Variants in SUGCT observed in about 807,000 individuals in gnomAD.
SUGCT encodes succinyl-CoA:glutarate-CoA transferase, also known as succinyl-CoA:glutarate CoA-transferase.
SUGCT carries 41 observed loss-of-function variants against 55.0 expected under a neutral mutation model. The ratio of observed to expected loss-of-function variants is 0.74; its 90% confidence interval spans 0.58 to 0.97. The LOEUF is 0.97. Among genes scored for constraint, SUGCT ranks in the 50% least tolerant of loss-of-function variants. The pLI is 0.00. For synonymous variants in SUGCT, 187 were observed against 200.4 expected (o/e 0.93, Z 0.56); for missense variants, 568 against 547.8 (o/e 1.04, Z -0.37).
Position 40,860,554 on chromosome 7 carries a change from T to C in SUGCT, c.*75T>C, listed in dbSNP as rs560955075. 574 of 1,471,288 alleles carry C rather than the reference T, an allele frequency of 3.9e-4. 1 individual carries two copies. The highest frequency in any genetic ancestry group is 5.0e-4 in the Non-Finnish European group (550 of 1,096,846). The allele number at this position is 1,471,288 out of a possible 1,614,324, so 91.1% of individuals were successfully genotyped here. ...AGGCAACACTTTGCTTGGACCCTTCTCCCCAGTTCTGATACCACTAAAAAG... is the reference window on the plus strand; with the variant it reads ...AGGCAACACTTTGCTTGGACCCTTCCCCCCAGTTCTGATACCACTAAAAAG... On this transcript the variant is annotated 3_prime_UTR_variant, in exon 14 of 14. Transcript: ENST00000335693.
At chr7:40,421,418 G>A (rs1481386351) in intron 9 of SUGCT, among the ~76,000 whole-genome samples, 1 of 152,234 alleles carries the variant, frequency 6.6e-6, no homozygotes, top group African/African-American at 2.4e-5. Flanking sequence ...CCTGACTCCT[G>A]CGTCCTGGAC....
intron 12 of SUGCT, among the ~76,000 whole-genome samples, chr7:40,510,012 T>C (rs1019857645): frequency 1.3e-5 from 2 of 152,178 alleles, no homozygotes; most frequent in African/African-American, 4.8e-5. Context: ...AGTTGTTAAG[T>C]TGAAGTGCTC....
the SUGCT span, chr7:40,966,619 C>A: frequency 1.3e-5 from 2 of 152,214 alleles, no homozygotes; most frequent in African/African-American, 4.8e-5. Context: ...TTCAGGACAA[C>A]ACATCTGCCT....
chr7:40,819,641 G>A (rs1165808821), intron 13 of SUGCT, among the ~76,000 whole-genome samples: 1 of 152,104 alleles, frequency 6.6e-6, no homozygotes, highest in African/African-American at 2.4e-5. Flanking sequence ...TAAGTTCTTT[G>A]TAGATTCTGG....
At chr7:40,397,111 A>G (rs1175521025) in intron 9 of SUGCT, among the ~76,000 whole-genome samples, 8 of 152,210 alleles carry the variant, frequency 5.3e-5, no homozygotes, top group Non-Finnish European at 8.8e-5. Flanking sequence ...ATGGTTAAAA[A>G]TGCATGCAGA....
chr7:40,696,009 T>C (rs1784919323), intron 12 of SUGCT, among the ~76,000 whole-genome samples: 1 of 152,164 alleles, frequency 6.6e-6, no homozygotes, highest in South Asian at 2.1e-4. Flanking sequence ...GATTAGAAAA[T>C]GCTTGTCTAC....
In SUGCT at chr7:40,181,980, A is replaced by G. The variant is rs751996886; in HGVS notation, c.178A>G (p.Met60Val). The change falls in exon 3 of 14, where the codon ATG (methionine) becomes GTG (valine). Residue 60 changes from methionine (M) to valine (V), a missense_variant. Coordinates refer to ENST00000335693, the MANE Select transcript of SUGCT (RefSeq NM_001193313.2). The stretch of plus-strand genomic sequence containing the variant: ...AGTCCTGGCGGGACCTTTTGCTACT[A>G]TGAATTTAGGAGATCTTGGAGCAGA... ...TRVLAGPFATMNLGDLGAEVI... is the reference protein window; with the variant it reads ...TRVLAGPFATVNLGDLGAEVI... The G allele has an allele frequency of 5.6e-6, 9 of 1,600,576 alleles. No homozygotes were observed. The Admixed American group carries it at 1.2e-4, about 21-fold the overall frequency.
chr7:40,743,235 TA>T (rs762266171), intron 12 of SUGCT, among the ~76,000 whole-genome samples: 15 of 152,212 alleles, frequency 9.9e-5, no homozygotes, highest in Non-Finnish European at 1.9e-4. Flanking sequence ...TCTAAGTTCC[TA>T]AAAATGACTG....
intron 1 of SUGCT, among the ~76,000 whole-genome samples, chr7:40,141,170 T>C (rs1787960520): frequency 6.6e-6 from 1 of 152,060 alleles, no homozygotes; most frequent in Non-Finnish European, 1.5e-5. Flanking sequence ...ACAGAAATCC[T>C]AGTGATTTCT....
chr7:40,570,151 T>C (rs1038501674), intron 12 of SUGCT, among the ~76,000 whole-genome samples: 2 of 152,278 alleles, frequency 1.3e-5, no homozygotes, highest in African/African-American at 4.8e-5. Context: ...TACTCCGTTT[T>C]AAGACAGACT....
chr7:40,182,505 T>C (rs971248720), intron 3 of SUGCT, among the ~76,000 whole-genome samples: 6 of 144,862 alleles, frequency 4.1e-5, no homozygotes, highest in African/African-American at 1.6e-4. Flanking sequence ...GAGGTTGCTG[T>C]GAGCCAAGGT....
intron 8 of SUGCT, among the ~76,000 whole-genome samples, chr7:40,305,631 T>C (rs757223498): frequency 2.0e-5 from 3 of 152,172 alleles, no homozygotes; most frequent in Non-Finnish European, 2.9e-5. Context: ...TATTCTTTTC[T>C]CTTGTATATG....
intron 12 of SUGCT, among the ~76,000 whole-genome samples, chr7:40,525,837 C>T (rs1793765583): frequency 6.6e-6 from 1 of 152,142 alleles, no homozygotes; most frequent in Non-Finnish European, 1.5e-5. Flanking sequence ...GCACTGACAT[C>T]AAGGATATCC....
At chr7:40,440,145 GTTTTTTTTTTTTT>G (rs138984553) in intron 9 of SUGCT, among the ~76,000 whole-genome samples, 118 of 68,470 alleles carry the variant, frequency 1.7e-3, no homozygotes, top group East Asian at 0.015. Context: ...GTGTGTGTGT[GTTTTTTTTTTTTT>G]TTTTTTTTTT....
intron 1 of SUGCT, among the ~76,000 whole-genome samples, chr7:40,138,356 A>G (rs1787803814): frequency 6.6e-6 from 1 of 152,136 alleles, no homozygotes; most frequent in African/African-American, 2.4e-5. Context: ...ATAGTATTCC[A>G]TTTTGTATAT....
chr7:40,776,331 C>G (rs910871935), intron 13 of SUGCT, among the ~76,000 whole-genome samples: 1 of 152,172 alleles, frequency 6.6e-6, no homozygotes, highest in Admixed American at 6.5e-5. Flanking sequence ...CTTATTTAGA[C>G]TGAAAGACTT....
At chr7:40,222,989 C>CCTTT (rs755049785) in intron 6 of SUGCT, among the ~76,000 whole-genome samples, 5,116 of 39,940 alleles carry the variant, frequency 0.13, 154 homozygotes, top group African/African-American at 0.2. Context: ...TCATTTCTTT[C>CCTTT]CTTCCTTCCT....
In SUGCT at chr7:40,375,441, T is replaced by TA. The variant is rs529200396; in HGVS notation, c.816+58593dup. ...ATGATTTGGAGGAGAAATAAGGTTA[T>TA]AAAAAAATTATCATATCAAGATTTG... On this transcript the variant is annotated intron_variant, in intron 9 of 13. Transcript: ENST00000335693. 2.0e-3 allele frequency among the ~76,000 whole-genome samples: 299 copies of TA among 152,248 alleles called. 11 individuals carry two copies. The South Asian group carries it at 0.058, about 30-fold the overall frequency.
rs144427983 is a variant in SUGCT at position 40,510,640 on chromosome 7, A to G, written c.1089+14254A>G. Reference sequence around the variant, plus strand: ...ATGATAGGAACATGACAGAAGTACAAAGAGGCAACGTTAAGCGTTTTCAAC... The same window carrying G: ...ATGATAGGAACATGACAGAAGTACAGAGAGGCAACGTTAAGCGTTTTCAAC... On this transcript the variant is annotated intron_variant, in intron 12 of 13. Transcript: ENST00000335693. 4.9e-4 allele frequency among the ~76,000 whole-genome samples: 75 copies of G among 152,328 alleles called. No individual in the cohort carries two copies. The East Asian group carries it at 0.012, about 25-fold the overall frequency.
Sources: gnomAD v4.1 joint callset for allele counts (sites outside exome capture counted in the v4.1 genomes callset) on GRCh38, gnomAD v4.1.1 for gene constraint, MANE v1.5 for transcripts, NCBI Gene and HGNC (gene_info 2026-07-23, HGNC 2026-07-21) for gene names.